The following CLEC12A variants were observed in gnomAD, a reference collection of about 807,000 sequenced individuals.
The protein encoded by CLEC12A is C-type lectin domain family 12 member A, also known as C-type lectin protein CLL-1.
CLEC12A carries 22 observed loss-of-function variants against 26.5 expected under a neutral mutation model. The ratio of observed to expected loss-of-function variants is 0.83; its 90% CI spans 0.59 to 1.19. CLEC12A has a LOEUF of 1.19. Ranked by LOEUF, CLEC12A falls within the 50% of genes most tolerant of loss-of-function variation. The probability of loss-of-function intolerance (pLI) is 0.00; values close to 1 mark genes in which losing one functional copy is unlikely to be tolerated. For synonymous variants in CLEC12A, 119 were observed against 101.9 expected, an observed-to-expected ratio of 1.17 and a Z score of -1.01; for missense variants, 353 against 315.6, an observed-to-expected ratio of 1.12 and a Z score of -0.90.
At chr12:9,959,047 A>G (rs940223150) in intron 1 of CLEC12A, among the ~76,000 whole-genome samples, 1 of 152,234 alleles carries the variant, frequency 6.6e-6, no homozygotes, top group African/African-American at 2.4e-5. Context: ...CCTTCTCCCT[A>G]TAACTTGTTA....
At chr12:9,995,066 G>T (rs761914654) in exon 5 of CLEC12A, 2 of 1,598,488 alleles carry the variant, frequency 1.3e-6, no homozygotes, top group South Asian at 2.2e-5. Flanking sequence ...TAGTGACTTG[G>T]ACTGAGAGAA....
chr12:9,992,469 C>T (rs1203391993), intron 4 of CLEC12A: 1 of 151,952 alleles, frequency 6.6e-6, no homozygotes, highest in African/African-American at 2.4e-5. Flanking sequence ...TTTTGTGAGC[C>T]AGGGTTTCGG....
At chr12:9,960,335 A>G (rs1231106123) in intron 1 of CLEC12A, among the ~76,000 whole-genome samples, 1 of 152,238 alleles carries the variant, frequency 6.6e-6, no homozygotes, top group African/African-American at 2.4e-5. Flanking sequence ...ATAAGATATA[A>G]TGAATCAGGA....
chr12:9,967,133 C>T (rs1024653791), upstream of CLEC12A, among the ~76,000 whole-genome samples: 18 of 151,666 alleles, frequency 1.2e-4, no homozygotes, highest in African/African-American at 3.9e-4. Context: ...GGACCTAGCT[C>T]GGCCTGGTGA....
chr12:9,994,250 G>A (rs775262696), intron 4 of CLEC12A, among the ~76,000 whole-genome samples: 1 of 152,056 alleles, frequency 6.6e-6, no homozygotes, highest in Non-Finnish European at 1.5e-5. Context: ...AGTTTGATTT[G>A]TTGGAAGAAT....
intron 4 of CLEC12A, chr12:9,993,355 T>A: frequency 7.4e-7 from 1 of 1,347,432 alleles, no homozygotes; most frequent in Non-Finnish European, 1.1e-6. Flanking sequence ...AGACTCTGCG[T>A]ATAGTAGTTT....
the CLEC12A span, among the ~76,000 whole-genome samples, chr12:10,002,658 G>A: frequency 1.3e-5 from 2 of 151,960 alleles, no homozygotes; most frequent in Non-Finnish European, 2.9e-5. Flanking sequence ...TAGCCAGGAT[G>A]ATCTCGATCT....
intron 1 of CLEC12A, 65 bp from the exon 2 acceptor site, chr12:9,978,899 ATG>A (rs1298406603): frequency 5.5e-6 from 6 of 1,083,216 alleles, no homozygotes; most frequent in Non-Finnish European, 5.7e-6. Context: ...GAATGAATGA[ATG>A]AGTAAATAAT....
chr12:9,988,473 A>G (rs1339229950), downstream of CLEC12A, among the ~76,000 whole-genome samples: 1 of 152,234 alleles, frequency 6.6e-6, no homozygotes, highest in African/African-American at 2.4e-5. Flanking sequence ...CATCTGACAA[A>G]GGGCTAATAT....
chr12:9,976,546 T>C (rs1864344564), intron 1 of CLEC12A, among the ~76,000 whole-genome samples: 1 of 152,236 alleles, frequency 6.6e-6, no homozygotes, highest in Admixed American at 6.5e-5. Flanking sequence ...AGGAAGTAAC[T>C]AACTTTCTTT....
At chr12:9,996,220 C>A (rs1002590375), downstream of CLEC12A, among the ~76,000 whole-genome samples, 5 of 152,234 alleles carry the variant, frequency 3.3e-5, no homozygotes, top group African/African-American at 9.6e-5. Flanking sequence ...CTAATATTTT[C>A]TTTAAAATAT....
chr12:10,005,144 T>G, the CLEC12A span, among the ~76,000 whole-genome samples: 4 of 152,220 alleles, frequency 2.6e-5, no homozygotes, highest in Non-Finnish European at 4.4e-5. Context: ...ATATGTTTAC[T>G]GATCACTGCA....
At chr12:9,995,312 G>T (rs753499104) in exon 5 of CLEC12A, 73 of 1,356,262 alleles carry the variant, frequency 5.4e-5, no homozygotes, top group Non-Finnish European at 6.8e-5. Context: ...GATAGACAAA[G>T]CTTCATGATA....
At position 9,984,954 on chromosome 12, in the gene CLEC12A, T is replaced by TA; in HGVS notation, c.733dup (p.Arg245LysfsTer5). 1 of 1,571,932 alleles carries TA rather than the reference T, an allele frequency of 6.4e-7. No homozygotes were observed. Among genetic ancestry groups the TA allele is most frequent in the Non-Finnish European group, 8.7e-7 (1 of 1,155,502 alleles). On this transcript the variant is annotated frameshift_variant, in exon 6 of 6. Coordinates refer to ENST00000304361, the MANE Select transcript of CLEC12A (RefSeq NM_138337.6). LOFTEE classifies it low-confidence loss of function (END_TRUNC). ...ATGTTCAATATTATCACTGCACTTA[T>TA]AAAAAAAGAATGATATGTGAGAAGA...
At chr12:9,999,158 C>T (rs370822690), downstream of CLEC12A, 2,467 of 1,129,612 alleles carry the variant, frequency 2.2e-3, 7 homozygotes, top group Non-Finnish European at 3.0e-3. Flanking sequence ...AATGTAGTTT[C>T]CAACTTTACA....
chr12:9,980,358 A>T (rs1707520176), intron 3 of CLEC12A, among the ~76,000 whole-genome samples: 1 of 151,766 alleles, frequency 6.6e-6, no homozygotes. Flanking sequence ...GAGTCACTTG[A>T]ATCCAGGAGG....
At chr12:10,005,974 G>A in the CLEC12A span, among the ~76,000 whole-genome samples, 1 of 152,000 alleles carries the variant, frequency 6.6e-6, no homozygotes, top group African/African-American at 2.4e-5. Context: ...TGAAATGTGA[G>A]AACAGAAAGA....
At chr12:10,000,956 G>C in the CLEC12A span, among the ~76,000 whole-genome samples, 18 of 152,262 alleles carry the variant, frequency 1.2e-4, no homozygotes, top group African/African-American at 4.3e-4. Context: ...AAGTAACAGA[G>C]AGAAAAGAAA....
At chr12:9,974,725 A>G (rs1363684336) in intron 1 of CLEC12A, among the ~76,000 whole-genome samples, 1 of 152,172 alleles carries the variant, frequency 6.6e-6, no homozygotes, top group Non-Finnish European at 1.5e-5. Context: ...AACCATATTG[A>G]AACTCAGACA....
Sources: allele counts gnomAD v4.1 joint callset (sites outside exome capture counted in the v4.1 genomes callset), GRCh38; gene constraint gnomAD v4.1.1; transcripts MANE v1.5; gene names NCBI Gene and HGNC (gene_info 2026-07-23, HGNC 2026-07-21).